The following MAN1A1 variants were observed in gnomAD, a reference collection of about 807,000 sequenced individuals.
MAN1A1 encodes mannosidase alpha class 1A member 1, also known as mannosyl-oligosaccharide 1,2-alpha-mannosidase IA.
A neutral mutation model predicts 70.8 loss-of-function variants in MAN1A1; 29 were observed. That is an observed-to-expected ratio of 0.41 (90% CI 0.31 to 0.56). MAN1A1 has a LOEUF of 0.56. Among genes scored for constraint, MAN1A1 ranks in the 20% least tolerant of loss-of-function variants. The pLI, the probability that MAN1A1 is intolerant of heterozygous loss-of-function variation, is 0.29. For synonymous variants in MAN1A1, 349 were observed against 330.1 expected, an observed-to-expected ratio of 1.06 and a Z score of -0.62; for missense variants, 747 against 841.3, an observed-to-expected ratio of 0.89 and a Z score of 1.39.
upstream of MAN1A1, chr6:119,349,770 T>C: frequency 1.0e-6 from 1 of 984,438 alleles, no homozygotes; most frequent in Non-Finnish European, 1.2e-6. Flanking sequence ...CTAATCTCAC[T>C]GCCGGTCTTG....
intron 6 of MAN1A1, among the ~76,000 whole-genome samples, chr6:119,215,302 G>A (rs185985569): frequency 6.6e-6 from 1 of 152,242 alleles, no homozygotes; most frequent in African/African-American, 2.4e-5. Context: ...TTTATGTTCT[G>A]CTAATGGAAT....
intron 6 of MAN1A1, among the ~76,000 whole-genome samples, chr6:119,247,740 G>A (rs996283157): frequency 6.6e-6 from 1 of 152,134 alleles, no homozygotes. Flanking sequence ...ATCTGGGTGA[G>A]TGCATTGGCT....
chr6:119,337,373 G>C (rs1321988573), intron 2 of MAN1A1, among the ~76,000 whole-genome samples: 2 of 152,188 alleles, frequency 1.3e-5, no homozygotes, highest in Non-Finnish European at 2.9e-5. Flanking sequence ...TACTTAGCGC[G>C]AAATCACACT....
intron 5 of MAN1A1, chr6:119,269,354 A>C (rs1196836653): frequency 8.5e-6 from 2 of 236,312 alleles, no homozygotes; most frequent in Non-Finnish European, 1.7e-5. Context: ...CTTCAGACAC[A>C]CAACCTTGGG....
chr6:119,208,769 T>A (rs932737925), intron 6 of MAN1A1, among the ~76,000 whole-genome samples: 2 of 152,134 alleles, frequency 1.3e-5, no homozygotes, highest in South Asian at 4.2e-4. Flanking sequence ...TGATGGTGTA[T>A]TCTTTCAAAA....
At chr6:119,219,198 T>C (rs1203570561) in intron 6 of MAN1A1, among the ~76,000 whole-genome samples, 2 of 152,248 alleles carry the variant, frequency 1.3e-5, no homozygotes, top group Non-Finnish European at 2.9e-5. Flanking sequence ...ATTTTTTCTT[T>C]ATAGAGATTT....
intron 6 of MAN1A1, among the ~76,000 whole-genome samples, chr6:119,245,465 A>G (rs1353186099): frequency 6.6e-6 from 1 of 152,182 alleles, no homozygotes; most frequent in African/African-American, 2.4e-5. Context: ...TTGAAAAGTA[A>G]TCTTGTAGAT....
At chr6:119,295,088 G>C (rs1772168786) in intron 4 of MAN1A1, among the ~76,000 whole-genome samples, 1 of 151,908 alleles carries the variant, frequency 6.6e-6, no homozygotes, top group Non-Finnish European at 1.5e-5. Context: ...CTAACATCAT[G>C]CTCCATCTCT....
At chr6:119,200,959 T>G (rs1217200264) in intron 8 of MAN1A1, among the ~76,000 whole-genome samples, 1 of 152,198 alleles carries the variant, frequency 6.6e-6, no homozygotes, top group East Asian at 1.9e-4. Context: ...TCTATCCACA[T>G]GACCAGCTTG....
intron 6 of MAN1A1, among the ~76,000 whole-genome samples, chr6:119,233,643 C>A (rs1319939853): frequency 6.6e-6 from 1 of 152,222 alleles, no homozygotes; most frequent in Non-Finnish European, 1.5e-5. Context: ...ACTATCAAAG[C>A]TGCTAATTCT....
At position 119,189,833 on chromosome 6, in the gene MAN1A1, GA is replaced by G; in HGVS notation, c.1376del (p.Ile459ThrfsTer16). On this transcript the variant is annotated frameshift_variant, in exon 10 of 13. Transcript: ENST00000368468. LOFTEE classifies it high-confidence loss of function. ...IRKSSSGLTY[I>X]AEWKGGLLEH... is the part of the protein sequence containing the mutation. ...CCAGGAGGCCCCCTTTCCACTCTGC[GA>G]TATAAGTTAGTCCGCTGCTAGACTT... The G allele has an allele frequency of 6.2e-7, 1 of 1,614,022 alleles. No individual in the cohort carries two copies. The highest frequency in any genetic ancestry group is 1.3e-5 in the African/African-American group (1 of 75,018).
At chr6:119,319,432 A>G (rs1772948695) in intron 2 of MAN1A1, among the ~76,000 whole-genome samples, 2 of 151,232 alleles carry the variant, frequency 1.3e-5, no homozygotes, top group Admixed American at 1.3e-4. Flanking sequence ...ATGGATGGCA[A>G]GTGGCCAGCA....
At chr6:119,224,467 A>C (rs1377579203) in intron 6 of MAN1A1, among the ~76,000 whole-genome samples, 1 of 152,178 alleles carries the variant, frequency 6.6e-6, no homozygotes, top group Non-Finnish European at 1.5e-5. Context: ...AAATGGAAAG[A>C]ACTGAGCAGA....
At chr6:119,331,570 CATAT>C (rs10562938) in intron 2 of MAN1A1, among the ~76,000 whole-genome samples, 9,709 of 117,926 alleles carry the variant, frequency 0.082, 572 homozygotes, top group East Asian at 0.33. Flanking sequence ...ACATATTATG[CATAT>C]ATATATATAT....
At chr6:119,219,094 T>C (rs72960607) in intron 6 of MAN1A1, among the ~76,000 whole-genome samples, 15,217 of 152,250 alleles carry the variant, frequency 0.1, 974 homozygotes, top group Non-Finnish European at 0.14. Context: ...AACCTGCTGA[T>C]GACATTAAGT....
chr6:119,270,163 C>T (rs771166175), intron 5 of MAN1A1, among the ~76,000 whole-genome samples: 5 of 152,152 alleles, frequency 3.3e-5, no homozygotes, highest in Non-Finnish European at 7.3e-5. Context: ...TTTCCAATTT[C>T]AGTCTCTTCT....
At chr6:119,305,679 G>T (rs1320725640) in intron 3 of MAN1A1, among the ~76,000 whole-genome samples, 1 of 152,054 alleles carries the variant, frequency 6.6e-6, no homozygotes, top group Non-Finnish European at 1.5e-5. Flanking sequence ...AGGTCCTACT[G>T]GTTCCTCAGA....
Position 119,347,089 on chromosome 6 carries a change from GCTGATGGA to G in MAN1A1, c.603+1366_603+1373del, listed in dbSNP as rs559890564. Among the ~76,000 whole-genome samples the G allele has an allele frequency of 3.5e-4, 54 of 152,330 alleles. 2 individuals are homozygous for G. The East Asian group carries it at 9.8e-3, about 28-fold the overall frequency. On this transcript the variant is annotated intron_variant, in intron 2 of 12. Transcript: ENST00000368468. Reference sequence around the variant, plus strand: ...GGAGGGGTCTCAGAAAAGCAGATATGCTGATGGACTGTGGAAGGAAGCTATCTGCATAG... The same window carrying G: ...GGAGGGGTCTCAGAAAAGCAGATATGCTGTGGAAGGAAGCTATCTGCATAG...
At chr6:119,203,889 A>C (rs1474828856) in intron 7 of MAN1A1, among the ~76,000 whole-genome samples, 1 of 152,054 alleles carries the variant, frequency 6.6e-6, no homozygotes, top group Non-Finnish European at 1.5e-5. Flanking sequence ...TGGAGTCTAG[A>C]GTATAGAGAT....
Sources: gnomAD v4.1 joint callset for allele counts (sites outside exome capture counted in the v4.1 genomes callset) on GRCh38, gnomAD v4.1.1 for gene constraint, MANE v1.5 for transcripts, NCBI Gene and HGNC (gene_info 2026-07-23, HGNC 2026-07-21) for gene names.